FOXN3: variants seen among roughly 807,000 people sequenced by gnomAD.
FOXN3 encodes forkhead box protein N3.
FOXN3 carries 7 observed loss-of-function variants against 38.4 expected under a neutral mutation model. The observed-to-expected ratio is 0.18, with a 90% CI of 0.10 to 0.34. The LOEUF (loss-of-function observed/expected upper bound fraction) is 0.34, where lower values mean the gene tolerates loss of function less well. FOXN3 is among the 10% of genes least tolerant of loss of function. The probability of loss-of-function intolerance (pLI) is 1.00; values close to 1 mark genes in which losing one functional copy is unlikely to be tolerated. For synonymous variants in FOXN3, 230 were observed against 242.2 expected (o/e 0.95, Z 0.47); for missense variants, 456 against 613.4 (o/e 0.74, Z 2.71).
At chr14:89,509,966 A>C (rs1158582799) in intron 1 of FOXN3, among the ~76,000 whole-genome samples, 1 of 152,196 alleles carries the variant, frequency 6.6e-6, no homozygotes, top group Non-Finnish European at 1.5e-5. Context: ...TTTCCCATGA[A>C]GAAGGGCATG....
intron 1 of FOXN3, among the ~76,000 whole-genome samples, chr14:89,607,287 G>A (rs545553333): frequency 4.6e-5 from 7 of 152,246 alleles, no homozygotes; most frequent in South Asian, 2.1e-4. Context: ...GGCCAAGCCC[G>A]GTAGCTCATG....
At chr14:89,380,775 C>T (rs1890622487) in intron 2 of FOXN3, among the ~76,000 whole-genome samples, 1 of 152,206 alleles carries the variant, frequency 6.6e-6, no homozygotes, top group Non-Finnish European at 1.5e-5. Context: ...ACTGAAGATG[C>T]TTCCCCTGTG....
chr14:89,417,163 CGGCGCGTCGGGCCGG>C lies in FOXN3; in HGVS notation c.-322_-308del, dbSNP rs1166925680. ...TCCCGCCTCCCGCTCGCCTCCGCCG[CGGCGCGTCGGGCCGG>C]GGCGCGCCGAGCGGCGAGAAATTGT... is the stretch of plus-strand genomic sequence containing the variant. On this transcript the variant is annotated 5_prime_UTR_variant, in exon 1 of 6. Transcript: ENST00000557258. The C allele has an allele frequency of 6.9e-6, 1 of 144,678 alleles. No homozygotes were observed. Among genetic ancestry groups the C allele is most frequent in the Non-Finnish European group, 1.5e-5 (1 of 65,286 alleles). The allele number at this position is 144,678 out of a possible 1,614,324, so 9.0% of individuals were successfully genotyped here.
chr14:89,166,034 C>G (rs1882112585), intron 5 of FOXN3, among the ~76,000 whole-genome samples: 1 of 152,202 alleles, frequency 6.6e-6, no homozygotes, highest in Non-Finnish European at 1.5e-5. Context: ...AGAAATAAAG[C>G]AAGTGCTCCA....
chr14:89,230,327 C>G (rs1884769366), intron 4 of FOXN3, among the ~76,000 whole-genome samples: 1 of 152,218 alleles, frequency 6.6e-6, no homozygotes, highest in South Asian at 2.1e-4. Flanking sequence ...TTACTTCACT[C>G]TGTTTCTTTT....
At chr14:89,308,935 C>G (rs1298267926) in intron 3 of FOXN3, among the ~76,000 whole-genome samples, 1 of 152,158 alleles carries the variant, frequency 6.6e-6, no homozygotes, top group African/African-American at 2.4e-5. Context: ...TCTGAAGCCC[C>G]TGGGGACAGC....
intron 2 of FOXN3, chr14:89,409,352 C>CGGGG (rs10664997): frequency 3.5e-4 from 51 of 145,458 alleles, no homozygotes; most frequent in South Asian, 9.7e-4. Context: ...CGGTGGGGGA[C>CGGGG]GGGGGGGTCG....
chr14:89,355,057 A>AG (rs1301240573), intron 2 of FOXN3: 1 of 151,832 alleles, frequency 6.6e-6, no homozygotes, highest in African/African-American at 2.4e-5. Context: ...AGTAAAAAAA[A>AG]TTATGGATGA....
At chr14:89,524,073 C>A (rs1321081854) in intron 1 of FOXN3, among the ~76,000 whole-genome samples, 1 of 146,918 alleles carries the variant, frequency 6.8e-6, no homozygotes, top group Non-Finnish European at 1.5e-5. Flanking sequence ...ATAATTTGTT[C>A]TTCTACCTTA....
At chr14:89,307,253 C>T (rs114908449) in intron 3 of FOXN3, among the ~76,000 whole-genome samples, 3,544 of 152,148 alleles carry the variant, frequency 0.023, 141 homozygotes, top group African/African-American at 0.079. Context: ...TTTCACTAAC[C>T]CAATCCTCTC....
chr14:89,435,927 CACTG>C (rs1233991137), intron 1 of FOXN3, among the ~76,000 whole-genome samples: 1 of 152,198 alleles, frequency 6.6e-6, no homozygotes, highest in African/African-American at 2.4e-5. Context: ...CAGAAGATAA[CACTG>C]ACTAAAGGCA....
chr14:89,443,351 T>G (rs1892426138), intron 1 of FOXN3, among the ~76,000 whole-genome samples: 1 of 152,224 alleles, frequency 6.6e-6, no homozygotes, highest in Non-Finnish European at 1.5e-5. Context: ...TTGTTTTCAT[T>G]GGTGTTTATG....
chr14:89,395,228 G>A (rs1192638816), intron 2 of FOXN3, among the ~76,000 whole-genome samples: 2 of 152,210 alleles, frequency 1.3e-5, no homozygotes, highest in African/African-American at 4.8e-5. Flanking sequence ...AGAGTCCCCT[G>A]TGGCAAGTAG....
At chr14:89,439,187 C>T (rs1252739611) in intron 1 of FOXN3, among the ~76,000 whole-genome samples, 1 of 152,154 alleles carries the variant, frequency 6.6e-6, no homozygotes, top group Non-Finnish European at 1.5e-5. Context: ...AGACTAGCTC[C>T]TCTAGCTCTG....
chr14:89,384,742 G>A (rs1047309226), intron 2 of FOXN3, among the ~76,000 whole-genome samples: 2 of 152,138 alleles, frequency 1.3e-5, no homozygotes, highest in African/African-American at 2.4e-5. Context: ...CCCAGCCTGA[G>A]CAGGGAGAAT....
chr14:89,253,882 C>T (rs950958670), intron 4 of FOXN3, among the ~76,000 whole-genome samples: 1 of 152,208 alleles, frequency 6.6e-6, no homozygotes, highest in South Asian at 2.1e-4. Flanking sequence ...TCTTTTCAAG[C>T]CTTTGTTTCC....
At chr14:89,297,851 G>A (rs1596164068) in intron 3 of FOXN3, among the ~76,000 whole-genome samples, 1 of 152,226 alleles carries the variant, frequency 6.6e-6, no homozygotes, top group East Asian at 1.9e-4. Context: ...CGGGTGTGGT[G>A]GCACACACCT....
rs1237602591 is a variant in FOXN3, at chr14:89,159,257, T to A, written c.*3157A>T. On this transcript the variant is annotated 3_prime_UTR_variant, in exon 6 of 6. Coordinates refer to ENST00000557258, the MANE Select transcript of FOXN3 (RefSeq NM_005197.4). ...TACTTTTTGTTTTTGTTCTCAACAATCAAAATACAAAGTTAAACACAATTG... is the reference window on the plus strand; with the variant it reads ...TACTTTTTGTTTTTGTTCTCAACAAACAAAATACAAAGTTAAACACAATTG... The A allele has an allele frequency of 6.6e-6, 1 of 152,582 alleles. No individual in the cohort carries two copies. Among genetic ancestry groups the A allele is most frequent in the African/African-American group, 2.4e-5 (1 of 41,440 alleles). The allele number at this position is 152,582 out of a possible 1,614,324, so 9.5% of individuals were successfully genotyped here. A position where few individuals can be genotyped will look rare whatever the true frequency, so the allele number is the denominator to read the frequency against.
chr14:89,543,760 C>A (rs912427243), intron 1 of FOXN3, among the ~76,000 whole-genome samples: 5 of 152,268 alleles, frequency 3.3e-5, no homozygotes, highest in Admixed American at 6.5e-5. Context: ...CAGAGAGAGA[C>A]AGAAAATATC....
Sources: gnomAD v4.1 joint callset for allele counts (sites outside exome capture counted in the v4.1 genomes callset) on GRCh38, gnomAD v4.1.1 for gene constraint, MANE v1.5 for transcripts, NCBI Gene and HGNC (gene_info 2026-07-23, HGNC 2026-07-21) for gene names.